Variants in TBC1D5 observed in about 807,000 individuals in gnomAD.
TBC1D5 encodes the protein TBC1 domain family, member 5.
A neutral mutation model predicts 100.3 loss-of-function variants in TBC1D5; 75 were observed. That is an observed-to-expected ratio of 0.75 (90% CI 0.62 to 0.91). TBC1D5 has a LOEUF of 0.91. Among genes scored for constraint, TBC1D5 ranks in the 40% least tolerant of loss-of-function variants. TBC1D5 has a pLI of 0.00. For missense variants in TBC1D5, 910 were observed against 942.4 expected (o/e 0.97, Z 0.45); for synonymous variants, 323 against 325.6 (o/e 0.99, Z 0.09).
chr3:17,244,038 C>A (rs936091171), intron 16 of TBC1D5, among the ~76,000 whole-genome samples: 1 of 152,072 alleles, frequency 6.6e-6, no homozygotes, highest in Admixed American at 6.6e-5. Context: ...AGGAAAGCAG[C>A]CCTTTTTTGG....
intron 1 of TBC1D5, among the ~76,000 whole-genome samples, chr3:17,705,175 GCA>G (rs2073911463): frequency 1.0e-5 from 1 of 98,604 alleles, no homozygotes; most frequent in Admixed American, 8.5e-5. Context: ...CTCCCGGACG[GCA>G]CGGCTGGCCA....
intron 1 of TBC1D5, among the ~76,000 whole-genome samples, chr3:17,642,836 T>C (rs2064654199): frequency 6.6e-6 from 1 of 152,156 alleles, no homozygotes; most frequent in Non-Finnish European, 1.5e-5. Context: ...CAAAAGGGAC[T>C]TTTTAACTTT....
chr3:17,456,206 A>T (rs1392923957), intron 3 of TBC1D5, among the ~76,000 whole-genome samples: 4 of 152,218 alleles, frequency 2.6e-5, no homozygotes, highest in Admixed American at 2.6e-4. Flanking sequence ...CCACAAAAAA[A>T]AATCTGGGAA....
chr3:17,352,036 C>T (rs2090656783), intron 13 of TBC1D5, among the ~76,000 whole-genome samples: 2 of 151,206 alleles, frequency 1.3e-5, no homozygotes, highest in Admixed American at 1.3e-4. Context: ...ACAAAAAACC[C>T]TAAGACATAC....
chr3:17,561,336 A>G (rs1406719165), intron 2 of TBC1D5, among the ~76,000 whole-genome samples: 1 of 152,220 alleles, frequency 6.6e-6, no homozygotes, highest in African/African-American at 2.4e-5. Context: ...GGGTTCAATC[A>G]AAGCTCTAGT....
intron 21 of TBC1D5, among the ~76,000 whole-genome samples, chr3:17,162,652 C>CTGAT (rs142344772): frequency 0.11 from 16,797 of 152,174 alleles, 1,086 homozygotes; most frequent in African/African-American, 0.18. Context: ...ACACGGTAGT[C>CTGAT]TGATAGCAGG....
Position 17,595,674 on chromosome 3 carries a change from G to A in TBC1D5, c.-36+28175C>T, listed in dbSNP as rs572123066. 2.4e-3 allele frequency among the ~76,000 whole-genome samples: 255 copies of A among 107,694 alleles called. 2 individuals are homozygous for A. The highest frequency in any genetic ancestry group is 9.0e-3 in the African/African-American group (246 of 27,236). 70.7% of individuals were successfully genotyped at this position (107,694 alleles called of 152,430 possible). On this transcript the variant is annotated intron_variant, in intron 2 of 21. Coordinates refer to ENST00000253692, the Ensembl canonical transcript of TBC1D5. ...AGATGAGGACACTGAAGTTATGGAA[G>A]TGTAAAGTCATTAGAAAAGCAAGTG...
chr3:17,331,263 C>T (rs2086831389), intron 13 of TBC1D5, among the ~76,000 whole-genome samples: 1 of 152,154 alleles, frequency 6.6e-6, no homozygotes, highest in Non-Finnish European at 1.5e-5. Flanking sequence ...CCTCTAATCA[C>T]TGTTTAGGTC....
chr3:17,728,669 C>T (rs961933504), intron 1 of TBC1D5, among the ~76,000 whole-genome samples: 4 of 151,356 alleles, frequency 2.6e-5, no homozygotes, highest in Non-Finnish European at 5.9e-5. Context: ...AGTTGTCGAG[C>T]CATTTGAAAA....
intron 1 of TBC1D5, among the ~76,000 whole-genome samples, chr3:17,680,234 GC>G (rs2069265325): frequency 6.8e-6 from 1 of 147,562 alleles, no homozygotes; most frequent in South Asian, 2.1e-4. Flanking sequence ...ATGTATATTC[GC>G]TTTTTTTTTT....
intron 2 of TBC1D5, chr3:17,622,611 A>G (rs914069032): frequency 6.6e-6 from 1 of 151,896 alleles, no homozygotes; most frequent in Non-Finnish European, 1.5e-5. Flanking sequence ...ATAGTCTAGT[A>G]AATTTGGGAA....
At chr3:17,176,138 T>C (rs1025076777) in intron 19 of TBC1D5, among the ~76,000 whole-genome samples, 1 of 152,182 alleles carries the variant, frequency 6.6e-6, no homozygotes, top group Non-Finnish European at 1.5e-5. Context: ...ATTACCTAGC[T>C]GTGTAACCTC....
At chr3:17,596,646 G>A (rs974283835) in intron 2 of TBC1D5, among the ~76,000 whole-genome samples, 1 of 144,044 alleles carries the variant, frequency 6.9e-6, no homozygotes, top group South Asian at 2.2e-4. Context: ...GGAGGCGGAG[G>A]TTGCAGTGAG....
At chr3:17,595,690 A>T (rs994025490) in intron 2 of TBC1D5, among the ~76,000 whole-genome samples, 8 of 566 alleles carry the variant, frequency 0.014, no homozygotes, top group Admixed American at 0.029. Flanking sequence ...AGTCATTAGA[A>T]AAGCAAGTGA....
chr3:17,184,330 C>A (rs562777401), intron 19 of TBC1D5, among the ~76,000 whole-genome samples: 1 of 152,086 alleles, frequency 6.6e-6, no homozygotes, highest in African/African-American at 2.4e-5. Flanking sequence ...TTAAAAAACA[C>A]ATTTTTATAA....
intron 1 of TBC1D5, among the ~76,000 whole-genome samples, chr3:17,653,279 T>G (rs915623012): frequency 6.6e-6 from 1 of 152,102 alleles, no homozygotes; most frequent in Non-Finnish European, 1.5e-5. Context: ...TTATGTTATA[T>G]GAATTTTATG....
Position 17,521,871 on chromosome 3 carries a change from A to G in TBC1D5, c.-35-13266T>C, listed in dbSNP as rs1429994267. The stretch of plus-strand genomic sequence containing the variant: ...AAAACATTAAATAATGCAAAATGTG[A>G]AAATATGTTGTAGTCCATATTAAAA... On this transcript the variant is annotated intron_variant, in intron 2 of 21. Coordinates refer to ENST00000253692, the Ensembl canonical transcript of TBC1D5. Among the ~76,000 whole-genome samples the G allele has an allele frequency of 3.3e-5, 5 of 152,266 alleles. No individual in the cohort carries two copies. The East Asian group carries it at 7.7e-4, about 24-fold the overall frequency.
intron 2 of TBC1D5, among the ~76,000 whole-genome samples, chr3:17,554,465 T>C (rs1327756919): frequency 6.6e-6 from 1 of 152,150 alleles, no homozygotes; most frequent in African/African-American, 2.4e-5. Flanking sequence ...AAAACACTAC[T>C]GTAGGCAGGA....
rs189097463 is a variant in TBC1D5 at position 17,375,412 on chromosome 3, C to T, written c.702-733G>A. On this transcript the variant is annotated intron_variant, in intron 10 of 21. Transcript: ENST00000253692. ...TGAAACCCCATCTCTACTAAAAATA[C>T]AAAAATTAGCTGGGCGAGGTGGTGC... Among the ~76,000 whole-genome samples, 176 of 151,984 alleles carry T rather than the reference C, an allele frequency of 1.2e-3. 2 individuals carry two copies. Among genetic ancestry groups the T allele is most frequent in the South Asian group, 5.0e-3 (24 of 4,818 alleles).
Sources: allele counts gnomAD v4.1 joint callset (sites outside exome capture counted in the v4.1 genomes callset), GRCh38; gene constraint gnomAD v4.1.1; transcripts MANE v1.5; gene names NCBI Gene and HGNC (gene_info 2026-07-23, HGNC 2026-07-21).